The following METTL15 variants were observed in gnomAD, a reference collection of about 807,000 sequenced individuals.
METTL15 encodes the protein methyltransferase 15, mitochondrial 12S rRNA N4-cytidine, also known as 12S rRNA N(4)-cytidine methyltransferase METTL15.
Under a neutral mutation model 38.3 loss-of-function variants are expected in METTL15, and 34 were observed. The observed-to-expected ratio is 0.89, with a 90% CI of 0.68 to 1.18. The LOEUF is 1.18. Among genes scored for constraint, METTL15 ranks in the 50% most tolerant of loss-of-function variants. The pLI, the probability that METTL15 is intolerant of heterozygous loss-of-function variation, is 0.00. For missense variants in METTL15, 438 were observed against 498.4 expected, an observed-to-expected ratio of 0.88 and a Z score of 1.15; for synonymous variants, 162 against 170.9, an observed-to-expected ratio of 0.95 and a Z score of 0.41.
chr11:28,128,681 C>G (rs1852608308), intron 3 of METTL15, among the ~76,000 whole-genome samples: 1 of 151,964 alleles, frequency 6.6e-6, no homozygotes, highest in Admixed American at 6.5e-5. Flanking sequence ...CTCTTTTTCC[C>G]TTTGTAGAAT....
chr11:28,420,042 G>T (rs1850806475), intron 5 of METTL15, among the ~76,000 whole-genome samples: 1 of 151,928 alleles, frequency 6.6e-6, no homozygotes, highest in Non-Finnish European at 1.5e-5. Flanking sequence ...TAGCCCAAAA[G>T]GGATAAATCT....
chr11:28,270,712 G>A (rs1855608805), intron 4 of METTL15, among the ~76,000 whole-genome samples: 1 of 152,146 alleles, frequency 6.6e-6, no homozygotes, highest in Non-Finnish European at 1.5e-5. Flanking sequence ...TTAACTCAAT[G>A]TCTGGCACAT....
chr11:28,129,059 T>C (rs1852626639), intron 3 of METTL15, among the ~76,000 whole-genome samples: 1 of 152,188 alleles, frequency 6.6e-6, no homozygotes, highest in African/African-American at 2.4e-5. Context: ...CTTGTCCTCA[T>C]AGGACATGAT....
intron 6 of METTL15, among the ~76,000 whole-genome samples, chr11:28,307,171 A>C (rs1168349272): frequency 2.0e-5 from 3 of 151,854 alleles, no homozygotes; most frequent in Non-Finnish European, 4.4e-5. Context: ...CTCTGTTTAC[A>C]TTTTTTGTGT....
chr11:28,416,352 A>G (rs898746611), intron 5 of METTL15, among the ~76,000 whole-genome samples: 7 of 152,082 alleles, frequency 4.6e-5, no homozygotes, highest in Admixed American at 6.5e-5. Flanking sequence ...AAATGGTCCC[A>G]GGGAAGAGAT....
chr11:28,308,071 G>C (rs961314213), intron 6 of METTL15, among the ~76,000 whole-genome samples: 3 of 151,850 alleles, frequency 2.0e-5, no homozygotes, highest in Non-Finnish European at 2.9e-5. Context: ...AGAGTTGATA[G>C]GTTTATGATT....
intron 6 of METTL15, among the ~76,000 whole-genome samples, chr11:28,526,226 G>T (rs1851810374): frequency 6.6e-6 from 1 of 152,228 alleles, no homozygotes; most frequent in Non-Finnish European, 1.5e-5. Flanking sequence ...CCAGAGAGGG[G>T]TCCCCACAGT....
At chr11:28,442,826 A>G (rs185620330) in intron 6 of METTL15, among the ~76,000 whole-genome samples, 1 of 152,340 alleles carries the variant, frequency 6.6e-6, no homozygotes, top group East Asian at 1.9e-4. Context: ...TTACAATTCA[A>G]AGAAGTTTGA....
chr11:28,260,919 G>A (rs576750422), intron 4 of METTL15, among the ~76,000 whole-genome samples: 4 of 152,168 alleles, frequency 2.6e-5, no homozygotes, highest in African/African-American at 9.6e-5. Flanking sequence ...TTGAGTTAAG[G>A]CCTGTTGGTT....
chr11:28,446,544 GA>G (rs1440428212), intron 6 of METTL15, among the ~76,000 whole-genome samples: 1 of 151,518 alleles, frequency 6.6e-6, no homozygotes, highest in South Asian at 2.1e-4. Flanking sequence ...TTAGGCTAAA[GA>G]AAAAAAACCT....
At chr11:28,275,633 C>T (rs1368366467) in intron 4 of METTL15, among the ~76,000 whole-genome samples, 2 of 105,482 alleles carry the variant, frequency 1.9e-5, no homozygotes, top group South Asian at 6.5e-4. Context: ...CAAAACCAGA[C>T]AAAGATACCA....
chr11:28,109,625 T>C (rs1004447234), intron 1 of METTL15, among the ~76,000 whole-genome samples: 13 of 152,214 alleles, frequency 8.5e-5, no homozygotes, highest in African/African-American at 3.1e-4. Context: ...TAAGAGAATA[T>C]CTTAATCCAG....
At chr11:28,418,899 C>A (rs181573568) in intron 5 of METTL15, among the ~76,000 whole-genome samples, 62 of 152,270 alleles carry the variant, frequency 4.1e-4, no homozygotes, top group African/African-American at 1.5e-3. Context: ...AATCACCCAT[C>A]CCAGTGGTCA....
At chr11:28,493,740 A>T (rs1851515309) in intron 6 of METTL15, among the ~76,000 whole-genome samples, 1 of 152,210 alleles carries the variant, frequency 6.6e-6, no homozygotes, top group South Asian at 2.1e-4. Context: ...TGCATGGTTG[A>T]TATTACTCCA....
intron 4 of METTL15, among the ~76,000 whole-genome samples, chr11:28,283,750 T>G (rs1856147248): frequency 6.6e-6 from 1 of 152,122 alleles, no homozygotes; most frequent in African/African-American, 2.4e-5. Flanking sequence ...CCGTTGACTT[T>G]TAGTGGGGTT....
intron 6 of METTL15, among the ~76,000 whole-genome samples, chr11:28,310,208 A>G (rs1033911094): frequency 6.6e-6 from 1 of 152,186 alleles, no homozygotes; most frequent in African/African-American, 2.4e-5. Context: ...CTGGAAATAT[A>G]GATTTGGGGA....
At chr11:28,223,301 C>T (rs1463918219) in intron 4 of METTL15, among the ~76,000 whole-genome samples, 1 of 151,790 alleles carries the variant, frequency 6.6e-6, no homozygotes, top group Non-Finnish European at 1.5e-5. Context: ...CATATTTATG[C>T]AAAATAGAAA....
At position 28,433,163 on chromosome 11, in the gene METTL15, G is replaced by GT. The variant is rs1209820099; in HGVS notation, c.*424+8807dup. On this transcript the variant is annotated intron_variant and NMD_transcript_variant, in intron 6 of 7. Transcript: ENST00000532947. ...CAGGACTTCTCTCAGGTTTTGTTTTGTTTTTTTTGTTTTTTTTTGGCTCTG... is the reference window on the plus strand; with the variant it reads ...CAGGACTTCTCTCAGGTTTTGTTTTGTTTTTTTTTGTTTTTTTTTGGCTCTG... 2.9e-3 allele frequency among the ~76,000 whole-genome samples: 269 copies of GT among 93,800 alleles called. 7 individuals carry two copies. The highest frequency in any genetic ancestry group is 6.2e-3 in the Middle Eastern group (1 of 162). 61.5% of individuals were successfully genotyped at this position (93,800 alleles called of 152,430 possible). A position where few individuals can be genotyped will look rare whatever the true frequency, so the allele number is the denominator to read the frequency against.
chr11:28,289,823 A>G (rs1033245132), intron 4 of METTL15, among the ~76,000 whole-genome samples: 8 of 152,142 alleles, frequency 5.3e-5, no homozygotes, highest in Admixed American at 6.6e-5. Flanking sequence ...TTGTATTTAA[A>G]TTGGCTTACT....
Sources: gnomAD v4.1 joint callset for allele counts (sites outside exome capture counted in the v4.1 genomes callset) on GRCh38, gnomAD v4.1.1 for gene constraint, MANE v1.5 for transcripts, NCBI Gene and HGNC (gene_info 2026-07-23, HGNC 2026-07-21) for gene names.